The following PLIN2 variants were observed in gnomAD, a reference collection of about 807,000 sequenced individuals.
The protein encoded by PLIN2 is perilipin-2.
In PLIN2, 33 loss-of-function variants were observed where a neutral mutation model predicts 30.6. The observed-to-expected ratio is 1.08, with a 90% confidence interval of 0.82 to 1.44. The LOEUF is 1.44. PLIN2 is among the 40% of genes most tolerant of loss of function. PLIN2 has a pLI of 0.00. For synonymous variants in PLIN2, 205 were observed against 201.1 expected (o/e 1.02, Z -0.16); for missense variants, 610 against 531.8 (o/e 1.15, Z -1.45).
rs59672763 is a variant in PLIN2 at position 19,119,238 on chromosome 9, C to T, written c.777+412G>A. ...GTTAGTGGATGTGCATTGTTATAGT[C>T]TCTTGCAACTTTAAACAAATATACA... On this transcript the variant is annotated intron_variant, in intron 6 of 7. Transcript: ENST00000276914. 3.5e-3 allele frequency among the ~76,000 whole-genome samples: 536 copies of T among 152,258 alleles called. 7 individuals carry two copies. Among genetic ancestry groups the T allele is most frequent in the African/African-American group, 0.012 (506 of 41,544 alleles).
At chr9:19,119,535 A>T in intron 6 of PLIN2, 115 bp downstream of exon 6, 3 of 637,638 alleles carry the variant, frequency 4.7e-6, no homozygotes, top group Non-Finnish European at 8.1e-6. Flanking sequence ...CCAGTTTTCT[A>T]TTGGGTTGTT....
Position 19,120,894 on chromosome 9 carries a change from G to T in PLIN2, c.581C>A (p.Thr194Asn). 1 of 1,613,608 alleles carries T rather than the reference G, an allele frequency of 6.2e-7. No individual in the cohort carries two copies. The highest frequency in any genetic ancestry group is 1.6e-4 in the Middle Eastern group (1 of 6,062). Residue 194 changes from threonine (T) to asparagine (N), a missense_variant, in exon 5 of 8, where the codon ACT becomes AAT. Thr to Asn is a moderately conservative substitution (Grantham distance 65). Coordinates refer to ENST00000276914, the MANE Select transcript of PLIN2 (RefSeq NM_001122.4). ...ATTCCAGTTACCTAGTTCTTCCTCA[G>T]TGAGAGGGAGGTACTGTTCTACCAA... ...ELLVEQYLPLTEEELEKEAKK... is the reference protein window; with the variant it reads ...ELLVEQYLPLNEEELEKEAKK...
intron 5 of PLIN2, 57 bp downstream of exon 5, chr9:19,120,823 A>G: frequency 7.4e-7 from 1 of 1,348,210 alleles, no homozygotes; most frequent in South Asian, 1.2e-5. Flanking sequence ...TATGTCAATG[A>G]AGCTGTTTAA....
intron 1 of PLIN2, 26 bp from the exon 2 acceptor site, chr9:19,126,474 A>T: frequency 6.9e-7 from 1 of 1,456,924 alleles, no homozygotes; most frequent in Non-Finnish European, 9.6e-7. Flanking sequence ...TTATTTCAGA[A>T]CACCGGGATA....
intron 2 of PLIN2, among the ~76,000 whole-genome samples, chr9:19,109,632 G>A (rs563284017): frequency 3.4e-4 from 52 of 151,114 alleles, no homozygotes; most frequent in Non-Finnish European, 6.0e-4. Flanking sequence ...AAAAAATGTA[G>A]CTGATTACCT....
chr9:19,122,090 C>G (rs1225862155), intron 4 of PLIN2, among the ~76,000 whole-genome samples: 1 of 105,334 alleles, frequency 9.5e-6, no homozygotes, highest in Non-Finnish European at 1.7e-5. Flanking sequence ...GCCTGGGTGA[C>G]AGAGCAAGAC....
chr9:19,113,559 A>T (rs548782685), downstream of PLIN2, among the ~76,000 whole-genome samples: 1 of 151,700 alleles, frequency 6.6e-6, no homozygotes, highest in East Asian at 1.9e-4. Context: ...GAGAAGAAAA[A>T]ATTTGTAACT....
rs151104975 is a variant in PLIN2, at chr9:19,126,397, C to A, written c.30G>T (p.Pro10=). The A allele has an allele frequency of 6.2e-7, 1 of 1,613,852 alleles. No homozygotes were observed. The highest frequency in any genetic ancestry group is 8.5e-7 in the Non-Finnish European group (1 of 1,179,870). The change falls in exon 2 of 8, where the codon CCG becomes CCT. Residue 10 remains proline (P), a splice_region_variant and synonymous_variant. Transcript: ENST00000276914. ...GACAAAGGCTACTCAAAATTCATAC[C>A]GGTTGTGGATCAACTGCAACGGATG... MASVAVDPQ[P]SVVTRVVNLP...
intron 4 of PLIN2, among the ~76,000 whole-genome samples, chr9:19,123,051 AT>A (rs1283501348): frequency 6.6e-6 from 1 of 152,182 alleles, no homozygotes; most frequent in African/African-American, 2.4e-5. Flanking sequence ...ACAGAGCTAT[AT>A]TTTTCCCTAA....
intron 5 of PLIN2, 144 bp from the exon 6 acceptor site, chr9:19,119,975 T>C (rs1349432468): frequency 1.7e-6 from 1 of 574,750 alleles, no homozygotes; most frequent in Admixed American, 3.1e-5. Context: ...ACTGCTCACG[T>C]CTGCTGCTGG....
intron 2 of PLIN2, among the ~76,000 whole-genome samples, chr9:19,109,793 T>G (rs1403331443): frequency 1.3e-5 from 2 of 151,350 alleles, no homozygotes; most frequent in Non-Finnish European, 2.9e-5. Flanking sequence ...CCATCTCTAC[T>G]AATAATACAA....
chr9:19,111,640 C>G (rs955485731), downstream of PLIN2, among the ~76,000 whole-genome samples: 6 of 151,828 alleles, frequency 4.0e-5, no homozygotes, highest in Non-Finnish European at 7.4e-5. Context: ...AAGTTCAGTC[C>G]TAAAGAAGTT....
intron 2 of PLIN2, among the ~76,000 whole-genome samples, chr9:19,109,147 C>A (rs928674602): frequency 2.0e-5 from 3 of 152,100 alleles, no homozygotes; most frequent in African/African-American, 7.2e-5. Context: ...ATCACAAAAC[C>A]CTACCTCTTC....
intron 7 of PLIN2, 26 bp downstream of exon 7, chr9:19,118,292 CCAA>C: frequency 6.4e-7 from 1 of 1,570,410 alleles, no homozygotes. Flanking sequence ...TCTTCAGCAA[CCAA>C]CAAATGACCG....
downstream of PLIN2, among the ~76,000 whole-genome samples, chr9:19,115,290 C>T (rs1238371884): frequency 6.6e-6 from 1 of 151,330 alleles, no homozygotes; most frequent in African/African-American, 2.4e-5. Context: ...AATTTGTTAT[C>T]AAGCATCCTA....
Position 19,116,155 on chromosome 9 carries a change from C to G in PLIN2, c.*93G>C. 6 of 1,276,746 alleles carry G rather than the reference C, an allele frequency of 4.7e-6. No individual in the cohort carries two copies. The highest frequency in any genetic ancestry group is 6.4e-6 in the Non-Finnish European group (6 of 930,292). The allele number at this position is 1,276,746 out of a possible 1,614,324, so 79.1% of individuals were successfully genotyped here. On this transcript the variant is annotated 3_prime_UTR_variant, in exon 8 of 8. Coordinates refer to ENST00000276914, the MANE Select transcript of PLIN2 (RefSeq NM_001122.4). Reference sequence around the variant, plus strand: ...TGAGGGCCTTTATACTAGCTACTTGCTTCCCAATTTAGGGTTGCCTAGCAA... The same window carrying G: ...TGAGGGCCTTTATACTAGCTACTTGGTTCCCAATTTAGGGTTGCCTAGCAA...
At chr9:19,123,525 T>C (rs368136282) in intron 4 of PLIN2, 40 bp downstream of exon 4, 13 of 1,613,876 alleles carry the variant, frequency 8.1e-6, no homozygotes, top group African/African-American at 4.0e-5. Context: ...GATGAAAACA[T>C]GTGAAGTGTC....
intron 6 of PLIN2, among the ~76,000 whole-genome samples, chr9:19,118,915 A>C (rs1264611528): frequency 6.6e-6 from 1 of 152,134 alleles, no homozygotes; most frequent in Non-Finnish European, 1.5e-5. Flanking sequence ...CTGGTCTCGA[A>C]CTCCTGACCT....
intron 3 of PLIN2, among the ~76,000 whole-genome samples, chr9:19,124,033 G>A (rs367742707): frequency 6.5e-5 from 7 of 107,186 alleles, no homozygotes; most frequent in Non-Finnish European, 6.4e-5. Flanking sequence ...AAAAAAAAAA[G>A]GCAAGAATGT....
Sources: allele counts gnomAD v4.1 joint callset (sites outside exome capture counted in the v4.1 genomes callset), GRCh38; gene constraint gnomAD v4.1.1; transcripts MANE v1.5; gene names NCBI Gene and HGNC (gene_info 2026-07-23, HGNC 2026-07-21).